Variants in DCAF17 observed in about 807,000 individuals in gnomAD.
The protein encoded by DCAF17 is DDB1 and CUL4 associated factor 17, also known as DDB1- and CUL4-associated factor 17.
Under a neutral mutation model 66.0 loss-of-function variants are expected in DCAF17, and 48 were observed. The observed-to-expected ratio is 0.73, with a 90% confidence interval of 0.58 to 0.92. The LOEUF (loss-of-function observed/expected upper bound fraction) is 0.92. Ranked by LOEUF, DCAF17 falls within the 40% of genes least tolerant of loss-of-function variation. The probability of loss-of-function intolerance (pLI) is 0.00; values close to 1 mark genes in which losing one functional copy is unlikely to be tolerated. For missense variants in DCAF17, 562 were observed against 622.8 expected (o/e 0.90, Z 1.04); for synonymous variants, 206 against 214.6 (o/e 0.96, Z 0.35).
At chr2:171,469,608 T>C (rs1696124480) in intron 9 of DCAF17, among the ~76,000 whole-genome samples, 1 of 152,242 alleles carries the variant, frequency 6.6e-6, no homozygotes, top group East Asian at 1.9e-4. Context: ...TGATTTGTCA[T>C]TTAATAAACA....
rs3731982 is a variant in DCAF17, at chr2:171,479,769, G to A, written c.1267-269G>A. 0.22 allele frequency: 83,516 copies of A among 382,412 alleles called. 9,595 individuals carry two copies. Among genetic ancestry groups the A allele is most frequent in the Admixed American group, 0.3 (7,131 of 24,030 alleles). 23.7% of individuals were successfully genotyped at this position (382,412 alleles called of 1,614,324 possible). A position where few individuals can be genotyped will look rare whatever the true frequency, so the allele number is the denominator to read the frequency against. On this transcript the variant is annotated intron_variant, in intron 12 of 13. Transcript: ENST00000375255. ...AGAATCTCTGATTTGCTGTCACTGT[G>A]GAGAATTTCAATTATACTTTGAGAT...
chr2:171,480,343 A>G (rs1354772863), intron 13 of DCAF17, 150 bp downstream of exon 13: 5 of 964,314 alleles, frequency 5.2e-6, no homozygotes, highest in Non-Finnish European at 7.7e-6. Flanking sequence ...AGGACAAAAG[A>G]GTACTTCTTA....
intron 5 of DCAF17, among the ~76,000 whole-genome samples, chr2:171,450,739 C>G (rs549618622): frequency 2.1e-4 from 32 of 152,270 alleles, no homozygotes; most frequent in Non-Finnish European, 4.1e-4. Context: ...TCAGCTGTTT[C>G]TCACTAGTGT....
intron 10 of DCAF17, chr2:171,474,464 C>T (rs1170609103): frequency 3.0e-5 from 5 of 165,744 alleles, no homozygotes; most frequent in Non-Finnish European, 6.6e-5. Context: ...CCTATTTCAT[C>T]TATCTTTTTT....
chr2:171,478,620 A>G (rs1696608172), intron 12 of DCAF17, among the ~76,000 whole-genome samples: 2 of 152,244 alleles, frequency 1.3e-5, no homozygotes, highest in African/African-American at 2.4e-5. Flanking sequence ...ATCAACTGAT[A>G]GTGATCATGC....
intron 8 of DCAF17, among the ~76,000 whole-genome samples, chr2:171,467,270 T>C (rs1168791397): frequency 6.6e-6 from 1 of 151,466 alleles, no homozygotes; most frequent in Non-Finnish European, 1.5e-5. Context: ...ATGGAAAAAA[T>C]TAAGAAAAAG....
intron 10 of DCAF17, among the ~76,000 whole-genome samples, chr2:171,475,034 AT>A (rs1288843594): frequency 6.6e-6 from 1 of 152,236 alleles, no homozygotes; most frequent in Non-Finnish European, 1.5e-5. Flanking sequence ...ATGGCTTTTC[AT>A]TGCTCTTAGG....
At chr2:171,452,045 CAGAA>C (rs996924732) in intron 5 of DCAF17, among the ~76,000 whole-genome samples, 4 of 152,122 alleles carry the variant, frequency 2.6e-5, no homozygotes, top group African/African-American at 9.7e-5. Context: ...TTAAGGAACA[CAGAA>C]GGAGTCTGAT....
In DCAF17 at chr2:171,481,703, A is replaced by G; in HGVS notation, c.*589A>G. The G allele has an allele frequency of 2.2e-6, 1 of 453,812 alleles. No homozygotes were observed. Among genetic ancestry groups the G allele is most frequent in the Non-Finnish European group, 4.4e-6 (1 of 226,682 alleles). 28.1% of individuals were successfully genotyped at this position (453,812 alleles called of 1,614,324 possible). On this transcript the variant is annotated 3_prime_UTR_variant, in exon 14 of 14. Coordinates refer to ENST00000375255, the MANE Select transcript of DCAF17 (RefSeq NM_025000.4). ...GTATCAGGAATTGGTTCTAGTTCCC[A>G]AATTATCTTTTCTTCCTTGGTTTTG...
In DCAF17 at chr2:171,458,086, C is replaced by A. The variant is rs1464340818; in HGVS notation, c.732+11C>A. The A allele has an allele frequency of 1.9e-6, 3 of 1,608,286 alleles. No individual in the cohort carries two copies. The highest frequency in any genetic ancestry group is 2.6e-6 in the Non-Finnish European group (3 of 1,175,200). ...ACCATCGCTGAACAGGTAGAGAAAA[C>A]TGAAATTTGTCATGTTACTATTAGC... is the stretch of plus-strand genomic sequence containing the variant. On this transcript the variant is annotated intron_variant, in intron 7 of 13. Transcript: ENST00000375255.
At chr2:171,458,499 T>G in intron 8 of DCAF17, 22 bp downstream of exon 8, 1 of 1,564,050 alleles carries the variant, frequency 6.4e-7, no homozygotes, top group South Asian at 1.1e-5. Flanking sequence ...CTATAGTATT[T>G]TTTCACCTTA....
intron 10 of DCAF17, 159 bp downstream of exon 10, chr2:171,474,134 A>G (rs1362895397): frequency 1.5e-5 from 10 of 669,142 alleles, no homozygotes; most frequent in Non-Finnish European, 1.9e-5. Flanking sequence ...ACCTGAATTT[A>G]TTCTTTGAGA....
chr2:171,439,510 CCT>C (rs1694169745), intron 2 of DCAF17, among the ~76,000 whole-genome samples: 1 of 118,978 alleles, frequency 8.4e-6, no homozygotes. Flanking sequence ...TCTTTTTTTT[CCT>C]TTTTTTTTTT....
At chr2:171,435,990 C>T (rs1050377155) in intron 2 of DCAF17, among the ~76,000 whole-genome samples, 1 of 152,198 alleles carries the variant, frequency 6.6e-6, no homozygotes. Flanking sequence ...CACCTCAGTA[C>T]CACCATTACC....
chr2:171,466,459 C>T (rs1267190387), intron 8 of DCAF17, among the ~76,000 whole-genome samples: 2 of 151,964 alleles, frequency 1.3e-5, no homozygotes, highest in African/African-American at 4.8e-5. Context: ...TCTTTTAATA[C>T]TTCTCTCTGA....
intron 3 of DCAF17, among the ~76,000 whole-genome samples, chr2:171,444,218 T>TGATAATAC (rs929921547): frequency 1.3e-5 from 2 of 152,102 alleles, no homozygotes; most frequent in Non-Finnish European, 2.9e-5. Flanking sequence ...TTACTAATAA[T>TGATAATAC]AATAATACAA....
intron 2 of DCAF17, among the ~76,000 whole-genome samples, chr2:171,436,327 A>G (rs77288528): frequency 0.057 from 8,699 of 152,280 alleles, 334 homozygotes; most frequent in Middle Eastern, 0.15. Flanking sequence ...CTTCTCCTAG[A>G]TTATACCTAG....
At position 171,482,894 on chromosome 2, in the gene DCAF17, C is replaced by T. The variant is rs1486889122; in HGVS notation, c.*1780C>T. The T allele has an allele frequency of 2.2e-6, 1 of 453,860 alleles. No individual in the cohort carries two copies. The highest frequency in any genetic ancestry group is 2.0e-5 in the African/African-American group (1 of 49,934). 28.1% of individuals were successfully genotyped at this position (453,860 alleles called of 1,614,324 possible). A position where few individuals can be genotyped will look rare whatever the true frequency, so the allele number is the denominator to read the frequency against. On this transcript the variant is annotated 3_prime_UTR_variant, in exon 14 of 14. Transcript: ENST00000375255. ...CACCACTGCCTAAATCTAACTAGAC[C>T]AGGGTCCAAATGCCATCCAGGCCAG...
At chr2:171,454,573 CG>C (rs1269551308) in intron 6 of DCAF17, among the ~76,000 whole-genome samples, 2 of 152,006 alleles carry the variant, frequency 1.3e-5, no homozygotes, top group African/African-American at 4.8e-5. Flanking sequence ...CATAAGCCAC[CG>C]CGCCTGGCCA....
Sources: allele counts gnomAD v4.1 joint callset (sites outside exome capture counted in the v4.1 genomes callset), GRCh38; gene constraint gnomAD v4.1.1; transcripts MANE v1.5; gene names NCBI Gene and HGNC (gene_info 2026-07-23, HGNC 2026-07-21).